Variants in SGCZ observed in about 807,000 individuals in gnomAD.
SGCZ encodes zeta-sarcoglycan.
In SGCZ, 40 loss-of-function variants were observed where a neutral mutation model predicts 41.3. The ratio of observed to expected loss-of-function variants is 0.97; its 90% CI spans 0.75 to 1.26. The LOEUF is 1.26. SGCZ is among the 50% of genes most tolerant of loss of function. SGCZ has a pLI of 0.00. For synonymous variants in SGCZ, 206 were observed against 137.5 expected, an observed-to-expected ratio of 1.50 and a Z score of -3.49; for missense variants, 552 against 369.8, an observed-to-expected ratio of 1.49 and a Z score of -4.04.
chr8:14,840,135 G>C (rs553409856), intron 1 of SGCZ, among the ~76,000 whole-genome samples: 6 of 152,090 alleles, frequency 3.9e-5, no homozygotes, highest in African/African-American at 1.4e-4. Flanking sequence ...ATAAAATATT[G>C]TTAATATGAT....
intron 2 of SGCZ, among the ~76,000 whole-genome samples, chr8:14,549,475 A>G: frequency 6.6e-6 from 1 of 152,032 alleles, no homozygotes; most frequent in East Asian, 1.9e-4. Flanking sequence ...TAAAACATTA[A>G]ATTTGAAGAT....
At chr8:14,715,507 T>C (rs1309690095) in intron 1 of SGCZ, among the ~76,000 whole-genome samples, 1 of 150,360 alleles carries the variant, frequency 6.7e-6, no homozygotes, top group Non-Finnish European at 1.5e-5. Flanking sequence ...AGCCCAAGTA[T>C]GGGTAAAATT....
chr8:14,479,899 G>A (rs1801486982), intron 2 of SGCZ, among the ~76,000 whole-genome samples: 1 of 125,384 alleles, frequency 8.0e-6, no homozygotes, highest in South Asian at 3.4e-4. Context: ...GCGTGCACTA[G>A]CACGCTCGAC....
At chr8:14,351,169 G>A (rs372758755) in intron 2 of SGCZ, among the ~76,000 whole-genome samples, 5 of 152,152 alleles carry the variant, frequency 3.3e-5, no homozygotes, top group East Asian at 1.9e-4. Context: ...AAAGTACTGC[G>A]TCTGTAAAAG....
At chr8:15,058,314 A>G (rs1804790878) in intron 1 of SGCZ, among the ~76,000 whole-genome samples, 1 of 152,158 alleles carries the variant, frequency 6.6e-6, no homozygotes. Flanking sequence ...TCCAATTTGG[A>G]ACATGCCACT....
chr8:15,209,961 T>G (rs1038564392), intron 1 of SGCZ, among the ~76,000 whole-genome samples: 4 of 152,140 alleles, frequency 2.6e-5, no homozygotes, highest in Admixed American at 1.3e-4. Flanking sequence ...TTATGGAGTT[T>G]CTGGGAGGGA....
chr8:15,166,615 A>C (rs1341115817), intron 1 of SGCZ, among the ~76,000 whole-genome samples: 1 of 152,142 alleles, frequency 6.6e-6, no homozygotes, highest in Non-Finnish European at 1.5e-5. Flanking sequence ...CTTATATGGG[A>C]TTTCTAAAAA....
intron 2 of SGCZ, among the ~76,000 whole-genome samples, chr8:14,400,706 A>T (rs562223658): frequency 1.3e-5 from 2 of 152,146 alleles, no homozygotes; most frequent in Non-Finnish European, 2.9e-5. Context: ...CTAAAGGCCT[A>T]TTCTTGAGTC....
intron 4 of SGCZ, among the ~76,000 whole-genome samples, chr8:14,221,011 G>GA (rs35159600): frequency 0.66 from 98,753 of 149,976 alleles, 32,781 homozygotes; most frequent in East Asian, 0.79. Flanking sequence ...GCCTAATATA[G>GA]AAAAAAAAAA....
intron 7 of SGCZ, among the ~76,000 whole-genome samples, chr8:14,092,459 T>C (rs968281222): frequency 1.3e-5 from 2 of 152,004 alleles, no homozygotes; most frequent in African/African-American, 4.8e-5. Context: ...TGTGGACTTT[T>C]AATCCAAAGG....
At chr8:14,786,928 G>A (rs1475235808) in intron 1 of SGCZ, among the ~76,000 whole-genome samples, 1 of 151,860 alleles carries the variant, frequency 6.6e-6, no homozygotes, top group Admixed American at 6.6e-5. Flanking sequence ...AATTAGAGGA[G>A]GGGAAAGGGT....
chr8:15,044,254 A>G (rs1218165975), intron 1 of SGCZ, among the ~76,000 whole-genome samples: 1 of 152,176 alleles, frequency 6.6e-6, no homozygotes, highest in African/African-American at 2.4e-5. Flanking sequence ...TCCATTTGAC[A>G]AGGGGGCACT....
intron 2 of SGCZ, among the ~76,000 whole-genome samples, chr8:14,429,019 A>T (rs1799868633): frequency 6.6e-6 from 1 of 152,154 alleles, no homozygotes; most frequent in African/African-American, 2.4e-5. Context: ...GATTTATTTC[A>T]TTACTGGCAA....
At chr8:14,281,540 T>G (rs1461612177) in intron 3 of SGCZ, among the ~76,000 whole-genome samples, 1 of 152,016 alleles carries the variant, frequency 6.6e-6, no homozygotes, top group Admixed American at 6.5e-5. Flanking sequence ...ACATTTTGCA[T>G]GCAATTTTAA....
chr8:14,866,382 G>A (rs151104911), intron 1 of SGCZ, among the ~76,000 whole-genome samples: 3,599 of 152,098 alleles, frequency 0.024, 52 homozygotes, highest in Middle Eastern at 0.048. Flanking sequence ...TCAACATTCA[G>A]CATCTTTTGA....
intron 1 of SGCZ, among the ~76,000 whole-genome samples, chr8:15,074,543 C>T (rs1417804565): frequency 6.6e-6 from 1 of 152,072 alleles, no homozygotes; most frequent in African/African-American, 2.4e-5. Context: ...CGGATGTATA[C>T]GGGGTACATT....
chr8:14,546,106 T>C (rs745611965), intron 2 of SGCZ, among the ~76,000 whole-genome samples: 2 of 152,146 alleles, frequency 1.3e-5, no homozygotes, highest in African/African-American at 4.8e-5. Flanking sequence ...AAGGGTATAA[T>C]GGAAGCAGTC....
intron 1 of SGCZ, among the ~76,000 whole-genome samples, chr8:14,812,165 T>G (rs1801756749): frequency 6.6e-6 from 1 of 151,978 alleles, no homozygotes; most frequent in African/African-American, 2.4e-5. Context: ...AAATGTAAAA[T>G]GTTACATAAT....
chr8:14,109,192 G>T (rs184163405), intron 5 of SGCZ, among the ~76,000 whole-genome samples: 91 of 152,274 alleles, frequency 6.0e-4, no homozygotes, highest in Middle Eastern at 3.4e-3. Context: ...GGTTTCATAT[G>T]GAATTGTAGC....
Sources: allele counts gnomAD v4.1 joint callset (sites outside exome capture counted in the v4.1 genomes callset), GRCh38; gene constraint gnomAD v4.1.1; transcripts MANE v1.5; gene names NCBI Gene and HGNC (gene_info 2026-07-23, HGNC 2026-07-21).